Variants in CNTN4 observed in about 807,000 individuals in gnomAD.
The protein encoded by CNTN4 is contactin 4.
A neutral mutation model predicts 122.5 loss-of-function variants in CNTN4; 77 were observed. The observed-to-expected ratio is 0.63, with a 90% CI of 0.52 to 0.76. The LOEUF (loss-of-function observed/expected upper bound fraction) is 0.76, where lower values mean the gene tolerates loss of function less well. Among genes scored for constraint, CNTN4 ranks in the 30% least tolerant of loss-of-function variants. The probability of loss-of-function intolerance (pLI) is 0.00; values close to 1 mark genes in which losing one functional copy is unlikely to be tolerated. For missense variants in CNTN4, 1,256 were observed against 1,259.1 expected (o/e 1.00, Z 0.04); for synonymous variants, 512 against 447.0 (o/e 1.15, Z -1.83).
intron 2 of CNTN4, among the ~76,000 whole-genome samples, chr3:2,264,478 A>G (rs761938520): frequency 6.6e-6 from 1 of 151,942 alleles, no homozygotes; most frequent in Non-Finnish European, 1.5e-5. Context: ...GGTTTTTGCT[A>G]TTGAGTTGTT....
intron 4 of CNTN4, among the ~76,000 whole-genome samples, chr3:2,735,117 A>C (rs2088984516): frequency 1.3e-5 from 2 of 152,218 alleles, no homozygotes; most frequent in African/African-American, 4.8e-5. Flanking sequence ...AATCCAAACA[A>C]GGGAAAATAA....
intron 15 of CNTN4, among the ~76,000 whole-genome samples, chr3:3,028,773 C>A (rs1389708297): frequency 6.6e-6 from 1 of 152,078 alleles, no homozygotes; most frequent in Non-Finnish European, 1.5e-5. Context: ...TTGCAAAGTG[C>A]CTAATCATTT....
chr3:2,419,333 T>C (rs1201641045), intron 3 of CNTN4, among the ~76,000 whole-genome samples: 7 of 152,132 alleles, frequency 4.6e-5, no homozygotes, highest in Non-Finnish European at 1.0e-4. Context: ...TTTTTAGGAA[T>C]AGAGTTAATA....
chr3:2,231,116 C>G (rs536994073), intron 2 of CNTN4, among the ~76,000 whole-genome samples: 1 of 152,276 alleles, frequency 6.6e-6, no homozygotes, highest in African/African-American at 2.4e-5. Context: ...TTAGTTAACA[C>G]AATATGTCAA....
intron 7 of CNTN4, among the ~76,000 whole-genome samples, chr3:2,822,328 A>G (rs906254034): frequency 5.3e-5 from 8 of 152,234 alleles, no homozygotes; most frequent in African/African-American, 1.9e-4. Context: ...TGTCTATAAA[A>G]TGAAGAGATT....
intron 3 of CNTN4, among the ~76,000 whole-genome samples, chr3:2,533,712 A>G (rs954628963): frequency 7.2e-5 from 11 of 152,202 alleles, no homozygotes; most frequent in African/African-American, 2.6e-4. Context: ...AATCACCACA[A>G]TGTCTTCCAC....
intron 3 of CNTN4, among the ~76,000 whole-genome samples, chr3:2,429,310 C>T (rs1027050236): frequency 1.3e-5 from 2 of 152,166 alleles, no homozygotes; most frequent in Non-Finnish European, 2.9e-5. Context: ...AGTCAGGACC[C>T]TCAGCTGCAG....
chr3:2,859,420 A>G (rs7626051), intron 7 of CNTN4, among the ~76,000 whole-genome samples: 30,358 of 152,110 alleles, frequency 0.2, 3,157 homozygotes, highest in Middle Eastern at 0.28. Flanking sequence ...TTTCAGTTTC[A>G]TAATATAGGG....
At chr3:2,279,818 G>A (rs958001918) in intron 2 of CNTN4, among the ~76,000 whole-genome samples, 2 of 151,154 alleles carry the variant, frequency 1.3e-5, no homozygotes, top group African/African-American at 4.9e-5. Flanking sequence ...TCACAATTCT[G>A]TGTAAAGATA....
intron 3 of CNTN4, among the ~76,000 whole-genome samples, chr3:2,340,709 A>ATATG (rs1401975406): frequency 2.0e-5 from 2 of 101,372 alleles, no homozygotes; most frequent in African/African-American, 7.2e-5. Flanking sequence ...ATATATATAT[A>ATATG]TAGAGAGAGA....
At chr3:2,446,031 T>G (rs1001604719) in intron 3 of CNTN4, among the ~76,000 whole-genome samples, 4 of 152,218 alleles carry the variant, frequency 2.6e-5, no homozygotes, top group African/African-American at 9.6e-5. Flanking sequence ...AGCTGTTCAA[T>G]GACTAGATGG....
chr3:2,303,599 A>T (rs548221500), intron 2 of CNTN4, among the ~76,000 whole-genome samples: 3 of 152,296 alleles, frequency 2.0e-5, no homozygotes, highest in African/African-American at 7.2e-5. Context: ...TAGATGATGG[A>T]TATTAATCAA....
chr3:2,728,050 G>A (rs561984174), intron 4 of CNTN4, among the ~76,000 whole-genome samples: 4 of 152,290 alleles, frequency 2.6e-5, no homozygotes, highest in African/African-American at 9.6e-5. Context: ...GTAGGCACTT[G>A]GGTAAGGCCT....
At chr3:2,208,416 C>A (rs902110472) in intron 2 of CNTN4, among the ~76,000 whole-genome samples, 1 of 152,052 alleles carries the variant, frequency 6.6e-6, no homozygotes, top group African/African-American at 2.4e-5. Flanking sequence ...GTTGCAATCT[C>A]ATGATAAAGT....
intron 3 of CNTN4, among the ~76,000 whole-genome samples, chr3:2,386,684 T>C (rs1177000961): frequency 2.0e-5 from 3 of 152,178 alleles, no homozygotes; most frequent in African/African-American, 2.4e-5. Flanking sequence ...TAAAAAGTGA[T>C]GGCTAAGGGC....
chr3:2,673,664 C>A (rs2150400486), intron 4 of CNTN4, among the ~76,000 whole-genome samples: 1 of 152,210 alleles, frequency 6.6e-6, no homozygotes, highest in African/African-American at 2.4e-5. Context: ...CCTCAGCCTC[C>A]CAAGTAGCTG....
chr3:2,313,175 T>A (rs71309882), intron 2 of CNTN4, among the ~76,000 whole-genome samples: 4,975 of 151,860 alleles, frequency 0.033, 116 homozygotes, highest in Non-Finnish European at 0.047. Context: ...ATTAGATAGA[T>A]CCAAGAACTA....
intron 3 of CNTN4, among the ~76,000 whole-genome samples, chr3:2,514,817 G>A (rs2076993912): frequency 6.6e-6 from 1 of 152,164 alleles, no homozygotes; most frequent in Admixed American, 6.6e-5. Flanking sequence ...AGGGTGACAT[G>A]TGACTTAGCT....
At chr3:2,815,739 A>C (rs2092710654) in intron 6 of CNTN4, among the ~76,000 whole-genome samples, 1 of 152,138 alleles carries the variant, frequency 6.6e-6, no homozygotes, top group Non-Finnish European at 1.5e-5. Context: ...CTGAGTATCT[A>C]CCCAGAGGAA....
Sources: gnomAD v4.1 joint callset for allele counts (sites outside exome capture counted in the v4.1 genomes callset) on GRCh38, gnomAD v4.1.1 for gene constraint, MANE v1.5 for transcripts, NCBI Gene and HGNC (gene_info 2026-07-23, HGNC 2026-07-21) for gene names.